The following METTL3 variants were observed in gnomAD, a reference collection of about 807,000 sequenced individuals.
METTL3 encodes N(6)-adenosine-methyltransferase catalytic subunit METTL3.
In METTL3, 42 loss-of-function variants were observed where a neutral mutation model predicts 64.3. The ratio of observed to expected loss-of-function variants is 0.65; its 90% CI spans 0.51 to 0.84. METTL3 has a LOEUF of 0.84. METTL3 is among the 40% of genes least tolerant of loss of function. The pLI is 0.00. For missense variants in METTL3, 435 were observed against 722.3 expected, an observed-to-expected ratio of 0.60 and a Z score of 4.56; for synonymous variants, 256 against 263.6, an observed-to-expected ratio of 0.97 and a Z score of 0.28.
At chr14:21,498,810 T>C (rs1276161187) in intron 10 of METTL3, 1 of 547,692 alleles carries the variant, frequency 1.8e-6, no homozygotes, top group Non-Finnish European at 3.3e-6. Context: ...GTAGAAACCC[T>C]AGGGAGCAGT....
intron 8 of METTL3, 48 bp from the exon 9 acceptor site, chr14:21,499,419 CTT>C: frequency 6.2e-7 from 1 of 1,612,704 alleles, no homozygotes; most frequent in Non-Finnish European, 8.5e-7. Context: ...CACCTTTGAA[CTT>C]TTTCTCAGTA....
chr14:21,498,242 C>G lies in METTL3; in HGVS notation c.*16G>C. On this transcript the variant is annotated 3_prime_UTR_variant, in exon 11 of 11. Coordinates refer to ENST00000298717, the MANE Select transcript of METTL3 (RefSeq NM_019852.5). ...GAGCCATGGCTATGGATTCTTAGCTCTGTAAGGAAGTGCTTCTATAAATTC... is the reference window on the plus strand; with the variant it reads ...GAGCCATGGCTATGGATTCTTAGCTGTGTAAGGAAGTGCTTCTATAAATTC... 1 of 1,435,148 alleles carries G rather than the reference C, an allele frequency of 7.0e-7. No homozygotes were observed. The allele number at this position is 1,435,148 out of a possible 1,614,324, so 88.9% of individuals were successfully genotyped here.
At chr14:21,503,031 A>G in intron 3 of METTL3, 142 bp downstream of exon 3, 1 of 914,172 alleles carries the variant, frequency 1.1e-6, no homozygotes, top group Non-Finnish European at 1.7e-6. Context: ...ACATTACCAG[A>G]TCCCCTGGGA....
Position 21,498,191 on chromosome 14 carries a change from A to G in METTL3, c.*67T>C. 1.1e-6 allele frequency: 1 copy of G among 922,372 alleles called. No homozygotes were observed. Among genetic ancestry groups the G allele is most frequent in the Non-Finnish European group, 1.8e-6 (1 of 561,864 alleles). 57.1% of individuals were successfully genotyped at this position (922,372 alleles called of 1,614,324 possible). ...AATAAAGAAGAAAGCTATTGTACAA[A>G]TATCACTCTTCAGGTTTAGCTTACA... is the stretch of plus-strand genomic sequence containing the variant. On this transcript the variant is annotated 3_prime_UTR_variant, in exon 11 of 11. Coordinates refer to ENST00000298717, the MANE Select transcript of METTL3 (RefSeq NM_019852.5).
chr14:21,502,865 T>C, intron 3 of METTL3: 1 of 271,512 alleles, frequency 3.7e-6, no homozygotes, highest in Non-Finnish European at 7.0e-6. Context: ...TAAGAATTTG[T>C]CGACATTGGC....
intron 8 of METTL3, 34 bp downstream of exon 8, chr14:21,499,458 T>C: frequency 6.2e-7 from 1 of 1,608,382 alleles, no homozygotes; most frequent in Non-Finnish European, 8.5e-7. Context: ...TTCTTTGTGC[T>C]CCACCTATTG....
In METTL3 at chr14:21,498,345, ATCCAGT is replaced by A; in HGVS notation, c.1650_1655del (p.Gln550_Asp552delinsHis). 6.2e-7 allele frequency: 1 copy of A among 1,614,156 alleles called. No individual in the cohort carries two copies. The highest frequency in any genetic ancestry group is 1.1e-5 in the South Asian group (1 of 91,086). ...CATCTGGGTCTAGTAGGTGGATCCC[ATCCAGT>A]TGGTTTCCAAGGGTGATCCTGAAAC... is the stretch of plus-strand genomic sequence containing the variant. On this transcript the variant is annotated inframe_deletion, in exon 11 of 11. Transcript: ENST00000298717.
At position 21,498,260 on chromosome 14, in the gene METTL3, A is replaced by G. The variant is rs371181847; in HGVS notation, c.1741T>C (p.Ter581GlnextTer17). The G allele has an allele frequency of 3.8e-6, 6 of 1,560,230 alleles. No homozygotes were observed. Among genetic ancestry groups the G allele is most frequent in the South Asian group, 1.1e-5 (1 of 89,962 alleles). ...DGIISKPKNL[*>Q] is the part of the protein sequence containing the mutation. ...CTTAGCTCTGTAAGGAAGTGCTTCT[A>G]TAAATTCTTAGGTTTAGAGATGATA... Residue 581 changes from the stop codon to glutamine, a stop_lost, in exon 11 of 11, where the codon TAG (stop) becomes CAG (glutamine). Transcript: ENST00000298717.
rs530857504 is a variant in METTL3, at chr14:21,507,184, A to AAAATAAAT, written c.101-3311_101-3304dup. On this transcript the variant is annotated intron_variant, in intron 1 of 10. Coordinates refer to ENST00000298717, the MANE Select transcript of METTL3 (RefSeq NM_019852.5). ...CAACAAGAGCGAAACTCTGTCTCAA[A>AAAATAAAT]AAATAAATAAATAAATAAATAAATA... is the stretch of plus-strand genomic sequence containing the variant. Among the ~76,000 whole-genome samples, 165 of 152,024 alleles carry AAAATAAAT rather than the reference A, an allele frequency of 1.1e-3. 2 individuals carry two copies. Among genetic ancestry groups the AAAATAAAT allele is most frequent in the African/African-American group, 3.1e-3 (128 of 41,426 alleles).
intron 1 of METTL3, among the ~76,000 whole-genome samples, chr14:21,506,611 C>T (rs1385406701): frequency 6.6e-6 from 1 of 152,098 alleles, no homozygotes; most frequent in East Asian, 1.9e-4. Context: ...ATTCATACAC[C>T]CAGGTTCATA....
chr14:21,500,232 C>T (rs1306694124), intron 6 of METTL3, among the ~76,000 whole-genome samples: 2 of 152,004 alleles, frequency 1.3e-5, no homozygotes, highest in African/African-American at 4.8e-5. Flanking sequence ...GGGCTGGTGG[C>T]ACGTGCCTGT....
chr14:21,498,823 T>C (rs1891479199), intron 10 of METTL3: 1 of 558,444 alleles, frequency 1.8e-6, no homozygotes, highest in African/African-American at 1.9e-5. Flanking sequence ...GGAGCAGTGC[T>C]TTTGGGTCCT....
rs1891636976 is a variant in METTL3 at position 21,503,998 on chromosome 14, T to C, written c.101-117A>G. On this transcript the variant is annotated intron_variant, in intron 1 of 10. Coordinates refer to ENST00000298717, the MANE Select transcript of METTL3 (RefSeq NM_019852.5). ...AGATCTTTCATTTTGTGCAGGAAATTCTGTGACCAACTTTAGCACTAGATT... is the reference window on the plus strand; with the variant it reads ...AGATCTTTCATTTTGTGCAGGAAATCCTGTGACCAACTTTAGCACTAGATT... The C allele has an allele frequency of 5.5e-6, 5 of 908,156 alleles. No homozygotes were observed. In the East Asian group the frequency reaches 1.3e-4, roughly 24 times the overall value. The allele number at this position is 908,156 out of a possible 1,614,324, so 56.3% of individuals were successfully genotyped here.
chr14:21,505,633 T>G (rs997699712), intron 1 of METTL3, among the ~76,000 whole-genome samples: 2 of 152,222 alleles, frequency 1.3e-5, no homozygotes, highest in African/African-American at 2.4e-5. Flanking sequence ...CCTAAACTTT[T>G]CACGTGCAAA....
At chr14:21,506,203 T>C (rs1891692965) in intron 1 of METTL3, among the ~76,000 whole-genome samples, 1 of 152,066 alleles carries the variant, frequency 6.6e-6, no homozygotes, top group Non-Finnish European at 1.5e-5. Flanking sequence ...AAATCAAAAA[T>C]AGAATTACCA....
chr14:21,503,372 CCT>C lies in METTL3; in HGVS notation c.522_523del (p.Gly175AlafsTer47). The stretch of plus-strand genomic sequence containing the variant: ...GTCCTGTTCTGCACGCCGCTTCTGC[CCT>C]GTGACAGTCCCTGCTACCTCCCCAG... On this transcript the variant is annotated frameshift_variant, in exon 3 of 11. Transcript: ENST00000298717. LOFTEE classifies it high-confidence loss of function. The C allele has an allele frequency of 6.2e-7, 1 of 1,614,166 alleles. No homozygotes were observed. Among genetic ancestry groups the C allele is most frequent in the Non-Finnish European group, 8.5e-7 (1 of 1,180,024 alleles).
Position 21,503,226 on chromosome 14 carries a change from C to G in METTL3, c.670G>C (p.Glu224Gln). ...RKHAASDVDL[E>Q]IESLLNQQST... ...TGTTGGTTCAGAAGGCTCTCTATCT[C>G]CAGATCAACATCTGAGGCAGCATGT... Residue 224 changes from glutamate (E) to glutamine (Q), a missense_variant, in exon 3 of 11, where the codon GAG (glutamate) becomes CAG (glutamine). By Grantham distance (29) the Glu-to-Gln change is conservative (BLOSUM62 2). This residue lies in a region of METTL3 where 228 missense variants were observed against 279.6 expected (regional missense o/e 0.82). Transcript: ENST00000298717. 1 of 1,614,140 alleles carries G rather than the reference C, an allele frequency of 6.2e-7. No individual in the cohort carries two copies. The highest frequency in any genetic ancestry group is 8.5e-7 in the Non-Finnish European group (1 of 1,179,996).
intron 1 of METTL3, 151 bp downstream of exon 1, chr14:21,510,973 G>A: frequency 3.6e-6 from 3 of 845,022 alleles, no homozygotes; most frequent in Non-Finnish European, 5.2e-6. Flanking sequence ...AAGGGCGAAC[G>A]TCTGCTGCTG....
intron 1 of METTL3, chr14:21,504,962 T>A (rs1891662702): frequency 6.6e-6 from 1 of 151,874 alleles, no homozygotes; most frequent in Non-Finnish European, 1.5e-5. Flanking sequence ...AATAAATAAT[T>A]CATTAATTTG....
Sources: allele counts gnomAD v4.1 joint callset (sites outside exome capture counted in the v4.1 genomes callset), GRCh38; gene constraint gnomAD v4.1.1; regional missense constraint gnomAD v4.1.1; transcripts MANE v1.5; gene names NCBI Gene and HGNC (gene_info 2026-07-23, HGNC 2026-07-21).